ZNF462: variants seen among roughly 807,000 people sequenced by gnomAD.
The protein encoded by ZNF462 is zinc finger protein 462.
ZNF462 carries 10 observed loss-of-function variants against 201.9 expected under a neutral mutation model. That is an observed-to-expected ratio of 0.05 (90% CI 0.03 to 0.08). The LOEUF is 0.08. ZNF462 is among the 10% of genes least tolerant of loss of function. The pLI, the probability that ZNF462 is intolerant of heterozygous loss-of-function variation, is 1.00. For synonymous variants in ZNF462, 1,227 were observed against 1,193.3 expected, an observed-to-expected ratio of 1.03 and a Z score of -0.58; for missense variants, 2,523 against 3,168.3, an observed-to-expected ratio of 0.80 and a Z score of 4.89.
chr9:106,988,213 T>C (rs1013710678), intron 10 of ZNF462, among the ~76,000 whole-genome samples: 1 of 152,112 alleles, frequency 6.6e-6, no homozygotes, highest in African/African-American at 2.4e-5. Context: ...CTCACAATCA[T>C]GGCAGAAGGC....
At position 106,932,633 on chromosome 9, in the gene ZNF462, G is replaced by A. The variant is rs1473037685; in HGVS notation, c.6116+84G>A. On this transcript the variant is annotated intron_variant, in intron 5 of 12. Transcript: ENST00000277225. This position sits in a 1 kb window ranked among gnomAD's most constrained non-coding sequence, Gnocchi z 6.8. ...ACTAAGCTAAAGCAGAAGCTTGGATGAGTAAGAAGGCCCCACTCATGGTTC... is the reference window on the plus strand; with the variant it reads ...ACTAAGCTAAAGCAGAAGCTTGGATAAGTAAGAAGGCCCCACTCATGGTTC... The A allele has an allele frequency of 1.9e-6, 3 of 1,559,790 alleles. No individual in the cohort carries two copies. Among genetic ancestry groups the A allele is most frequent in the East Asian group, 2.3e-5 (1 of 43,546 alleles).
intron 1 of ZNF462, among the ~76,000 whole-genome samples, chr9:106,863,878 G>A (rs1443975161): frequency 6.6e-6 from 1 of 152,014 alleles, no homozygotes; most frequent in African/African-American, 2.4e-5. Context: ...GAGCGAGCGA[G>A]GGTCAGAGGA....
intron 1 of ZNF462, among the ~76,000 whole-genome samples, chr9:106,900,512 T>C (rs1829020770): frequency 6.6e-6 from 1 of 152,192 alleles, no homozygotes; most frequent in African/African-American, 2.4e-5. Context: ...ACCAGCAGTG[T>C]AGAAGTGTTC....
At chr9:106,864,895 C>A (rs565584252) in intron 1 of ZNF462, among the ~76,000 whole-genome samples, 3 of 152,112 alleles carry the variant, frequency 2.0e-5, no homozygotes, top group East Asian at 1.9e-4. Flanking sequence ...TCAGGTAAGC[C>A]GTGTCATGTT....
chr9:106,997,207 C>A (rs183916382), intron 10 of ZNF462, among the ~76,000 whole-genome samples: 10 of 152,052 alleles, frequency 6.6e-5, no homozygotes, highest in African/African-American at 2.4e-4. Flanking sequence ...AAAAGGGGAA[C>A]CCTTGTGCAC....
rs10978674 is a variant in ZNF462 at position 106,920,762 on chromosome 9, T to C, written c.-30-2592T>C. ...GACACCAAGATATTAGAGAACTACA[T>C]AGAGAGATGAATTTCATTTCTAGGT... On this transcript the variant is annotated intron_variant, in intron 1 of 12. Transcript: ENST00000277225. The surrounding 1 kb of genome is among the most constrained non-coding windows in gnomAD (Gnocchi z 4.3). 0.061 allele frequency among the ~76,000 whole-genome samples: 9,257 copies of C among 152,232 alleles called. 300 individuals carry two copies. Among genetic ancestry groups the C allele is most frequent in the Non-Finnish European group, 0.087 (5,928 of 68,002 alleles).
chr9:106,969,216 G>C (rs938985711), intron 7 of ZNF462, among the ~76,000 whole-genome samples: 3 of 152,056 alleles, frequency 2.0e-5, no homozygotes, highest in Non-Finnish European at 4.4e-5. Context: ...CTGTCCATCT[G>C]ATTTTAACCA....
intron 7 of ZNF462, among the ~76,000 whole-genome samples, chr9:106,952,707 A>G (rs1281683624): frequency 6.6e-6 from 1 of 152,224 alleles, no homozygotes; most frequent in African/African-American, 2.4e-5. Flanking sequence ...ACATTAATCG[A>G]TGATCATTTT....
At position 106,928,857 on chromosome 9, in the gene ZNF462, T is replaced by G; in HGVS notation, c.4945T>G (p.Phe1649Val). 6.2e-7 allele frequency: 1 copy of G among 1,614,064 alleles called. No individual in the cohort carries two copies. Among genetic ancestry groups the G allele is most frequent in the East Asian group, 2.2e-5 (1 of 44,874 alleles). ...VGEEPVSTSH[F>V]STSHLVSHTV... ...AGAGGAGCCCGTGTCCACTTCTCAC[T>G]TCTCTACCTCCCACCTGGTCTCCCA... Residue 1649 changes from phenylalanine (F) to valine (V), a missense_variant, in exon 3 of 13, where the codon TTC becomes GTC. Physicochemically the swap from Phe to Val is conservative, Grantham distance 50 (BLOSUM62 -1). Transcript: ENST00000277225. This position sits in a 1 kb window ranked among gnomAD's most constrained non-coding sequence, Gnocchi z 9.3.
rs1464486924 is a variant in ZNF462, at chr9:107,005,742, CA to C, written c.7189+2322del. On this transcript the variant is annotated intron_variant, in intron 11 of 12. Coordinates refer to ENST00000277225, the MANE Select transcript of ZNF462 (RefSeq NM_021224.6). The surrounding 1 kb of genome is among the most constrained non-coding windows in gnomAD (Gnocchi z 4.4). ...TTGCCCATGCTTTTGAGGTCATATC[CA>C]AAAAATCATTGCCCAGACCAATGTC... Among the ~76,000 whole-genome samples, 2 of 152,084 alleles carry C rather than the reference CA, an allele frequency of 1.3e-5. No homozygotes were observed. The highest frequency in any genetic ancestry group is 2.9e-5 in the Non-Finnish European group (2 of 68,014).
chr9:106,973,716 TC>T (rs60685747), intron 8 of ZNF462, among the ~76,000 whole-genome samples: 20,876 of 151,798 alleles, frequency 0.14, 1,565 homozygotes, highest in African/African-American at 0.18. Context: ...CAACTTGTCC[TC>T]CCCCCCTTAC....
At chr9:106,939,129 G>A (rs1830756597) in intron 7 of ZNF462, 22 bp downstream of exon 7, 2 of 1,560,074 alleles carry the variant, frequency 1.3e-6, no homozygotes, top group South Asian at 1.2e-5. Flanking sequence ...CTTCCAAGCT[G>A]GAATTAACCA....
rs1170381061 is a variant in ZNF462, at chr9:107,012,867, GTTC to G, written c.*1843_*1845del. On this transcript the variant is annotated 3_prime_UTR_variant, in exon 13 of 13. Coordinates refer to ENST00000277225, the MANE Select transcript of ZNF462 (RefSeq NM_021224.6). ...GAATAAGTGCTTACTTGAAAAGCAT[GTTC>G]TTCTTTTATTTTCTTACTGTTAAGA... 1 of 152,014 alleles carries G rather than the reference GTTC, an allele frequency of 6.6e-6. No homozygotes were observed. Among genetic ancestry groups the G allele is most frequent in the Non-Finnish European group, 1.5e-5 (1 of 67,986 alleles). 9.4% of individuals were successfully genotyped at this position (152,014 alleles called of 1,614,324 possible). A position where few individuals can be genotyped will look rare whatever the true frequency, so the allele number is the denominator to read the frequency against.
In ZNF462 at chr9:106,926,792, A is replaced by T. The variant is rs1830210946; in HGVS notation, c.2880A>T (p.Ser960=). The change falls in exon 3 of 13, where the codon TCA becomes TCT. Residue 960 remains serine, a synonymous_variant. Transcript: ENST00000277225. This position sits in a 1 kb window ranked among gnomAD's most constrained non-coding sequence, Gnocchi z 7.9. ...AGATCAACAACGCGATGATATTTTC[A>T]AGCTATGTCGTGGAGCAGCAGGAAG... ...TVKINNAMIF[S]SYVVEQQEGL... 3 of 1,614,150 alleles carry T rather than the reference A, an allele frequency of 1.9e-6. No homozygotes were observed. The African/African-American group carries it at 4.0e-5, about 22-fold the overall frequency.
At chr9:106,882,919 G>A (rs1017289434) in intron 1 of ZNF462, among the ~76,000 whole-genome samples, 11 of 152,192 alleles carry the variant, frequency 7.2e-5, no homozygotes, top group African/African-American at 2.7e-4. Context: ...TGATGAGTAT[G>A]TAGTGTTTCC....
intron 10 of ZNF462, among the ~76,000 whole-genome samples, chr9:106,985,487 A>G (rs915690942): frequency 2.0e-5 from 3 of 152,190 alleles, no homozygotes; most frequent in Non-Finnish European, 2.9e-5. Context: ...CTCATCTGGC[A>G]TCTCATGAAC....
chr9:106,937,924 A>G (rs1179340892), intron 6 of ZNF462, among the ~76,000 whole-genome samples: 1 of 152,098 alleles, frequency 6.6e-6, no homozygotes, highest in African/African-American at 2.4e-5. Context: ...TCTTCTTATT[A>G]CTCTTTGAAA....
chr9:106,881,882 A>C (rs1828112948), intron 1 of ZNF462, among the ~76,000 whole-genome samples: 1 of 152,230 alleles, frequency 6.6e-6, no homozygotes, highest in African/African-American at 2.4e-5. Context: ...AATAGATTAT[A>C]TATTAAATTC....
intron 7 of ZNF462, among the ~76,000 whole-genome samples, chr9:106,964,490 C>T (rs1015412718): frequency 4.6e-5 from 7 of 152,010 alleles, no homozygotes; most frequent in African/African-American, 1.4e-4. Context: ...TTGAAGTTCC[C>T]TGTTTTCTCC....
Sources: allele counts gnomAD v4.1 joint callset (sites outside exome capture counted in the v4.1 genomes callset), GRCh38; gene constraint gnomAD v4.1.1; non-coding constraint Gnocchi (gnomAD v3.1); transcripts MANE v1.5; gene names NCBI Gene and HGNC (gene_info 2026-07-23, HGNC 2026-07-21).